Variants in DCLK2 observed in about 807,000 individuals in gnomAD.
DCLK2 encodes serine/threonine-protein kinase DCLK2.
Under a neutral mutation model 78.4 loss-of-function variants are expected in DCLK2, and 31 were observed. That is an observed-to-expected ratio of 0.40 (90% confidence interval 0.30 to 0.53). The LOEUF is 0.53. Among genes scored for constraint, DCLK2 ranks in the 20% least tolerant of loss-of-function variants. The pLI is 0.61. For missense variants in DCLK2, 872 were observed against 973.7 expected, an observed-to-expected ratio of 0.90 and a Z score of 1.39; for synonymous variants, 407 against 374.9, an observed-to-expected ratio of 1.09 and a Z score of -0.99.
chr4:150,137,128 G>A lies in DCLK2; in HGVS notation c.756+34316G>A, dbSNP rs535586970. Among the ~76,000 whole-genome samples the A allele has an allele frequency of 2.6e-5, 4 of 151,660 alleles. No individual in the cohort carries two copies. The East Asian group carries it at 7.8e-4, about 29-fold the overall frequency. ...TCCCAACTCATTGAGACTATGCGTG[G>A]GCCACCATGCCCAGTCTATTTATTA... On this transcript the variant is annotated intron_variant, in intron 2 of 15. Coordinates refer to ENST00000296550, the MANE Select transcript of DCLK2 (RefSeq NM_001040260.4).
At position 150,252,697 on chromosome 4, in the gene DCLK2, G is replaced by A. The variant is rs536838324; in HGVS notation, c.2073+3013G>A. ...AGACAAACCCCTGGGCTCTGACAGG[G>A]TGTTTGTGTGAACAAACAACCCGTT... On this transcript the variant is annotated intron_variant, in intron 15 of 15. Coordinates refer to ENST00000296550, the MANE Select transcript of DCLK2 (RefSeq NM_001040260.4). Among the ~76,000 whole-genome samples the A allele has an allele frequency of 2.0e-5, 3 of 152,360 alleles. No individual in the cohort carries two copies. In the East Asian group the frequency reaches 5.8e-4, roughly 29 times the overall value.
At chr4:150,165,651 T>C (rs138833732) in intron 2 of DCLK2, among the ~76,000 whole-genome samples, 1 of 152,296 alleles carries the variant, frequency 6.6e-6, no homozygotes. Flanking sequence ...AAACCTTAGA[T>C]TGTTAGGTTT....
chr4:150,098,929 A>G (rs1730674758), intron 1 of DCLK2, among the ~76,000 whole-genome samples: 1 of 152,082 alleles, frequency 6.6e-6, no homozygotes, highest in Non-Finnish European at 1.5e-5. Context: ...TCCTGACCTC[A>G]GGTGAGCCAC....
intron 5 of DCLK2, among the ~76,000 whole-genome samples, chr4:150,214,991 C>CTTGACACT (rs934839437): frequency 6.7e-6 from 1 of 150,310 alleles, no homozygotes; most frequent in African/African-American, 2.4e-5. Flanking sequence ...ATGTTTCTGA[C>CTTGACACT]TTGACACTTA....
intron 14 of DCLK2, among the ~76,000 whole-genome samples, chr4:150,248,997 C>A (rs765868767): frequency 1.3e-5 from 2 of 152,004 alleles, no homozygotes; most frequent in African/African-American, 2.4e-5. Context: ...TTTAATTAGC[C>A]CAGGGCTTTG....
At chr4:150,197,971 A>G (rs753238322) in intron 3 of DCLK2, 31 bp from the exon 4 acceptor site, 25 of 1,580,644 alleles carry the variant, frequency 1.6e-5, no homozygotes, top group South Asian at 2.3e-5. Context: ...TTAAAACCAG[A>G]TTTAGTTAAT....
chr4:150,152,733 C>T (rs1734986249), intron 2 of DCLK2, among the ~76,000 whole-genome samples: 1 of 152,150 alleles, frequency 6.6e-6, no homozygotes. Flanking sequence ...TAAGATACAA[C>T]CCAAAATATG....
intron 12 of DCLK2, among the ~76,000 whole-genome samples, chr4:150,244,571 T>TA (rs1361361081): frequency 1.3e-5 from 2 of 152,230 alleles, no homozygotes; most frequent in Admixed American, 1.3e-4. Flanking sequence ...TTTTTAGACT[T>TA]ACGGCACCTT....
rs1728985130 is a variant in DCLK2, at chr4:150,078,574, G to C, written c.-454G>C. The stretch of plus-strand genomic sequence containing the variant: ...CCCCCGGGGGCCTCTCCCACGCTCC[G>C]CGCCCCGCCCCACCCTTCCTTCCTT... On this transcript the variant is annotated 5_prime_UTR_variant, in exon 1 of 16. Coordinates refer to ENST00000296550, the MANE Select transcript of DCLK2 (RefSeq NM_001040260.4). The C allele has an allele frequency of 6.6e-6, 1 of 151,312 alleles. No homozygotes were observed. The highest frequency in any genetic ancestry group is 2.1e-4 in the South Asian group (1 of 4,828). The allele number at this position is 151,312 out of a possible 1,614,324, so 9.4% of individuals were successfully genotyped here. A position where few individuals can be genotyped will look rare whatever the true frequency, so the allele number is the denominator to read the frequency against.
intron 2 of DCLK2, among the ~76,000 whole-genome samples, chr4:150,167,642 C>T (rs929258952): frequency 6.6e-6 from 1 of 152,164 alleles, no homozygotes; most frequent in Non-Finnish European, 1.5e-5. Flanking sequence ...CTCTCCCCAA[C>T]CTCCACCAGG....
At chr4:150,093,884 C>A (rs956032277) in intron 1 of DCLK2, among the ~76,000 whole-genome samples, 2 of 152,056 alleles carry the variant, frequency 1.3e-5, no homozygotes, top group Non-Finnish European at 2.9e-5. Flanking sequence ...TGTAACAGAA[C>A]CAAGAGCTTA....
chr4:150,216,519 A>C (rs1198645944), intron 5 of DCLK2, among the ~76,000 whole-genome samples: 1 of 152,082 alleles, frequency 6.6e-6, no homozygotes, highest in African/African-American at 2.4e-5. Context: ...GGTGCTTGTA[A>C]TCTCAGCTAC....
intron 2 of DCLK2, among the ~76,000 whole-genome samples, chr4:150,131,013 C>G (rs2150197139): frequency 6.6e-6 from 1 of 152,210 alleles, no homozygotes; most frequent in African/African-American, 2.4e-5. Flanking sequence ...TATGCTGCTA[C>G]AATGATTTGA....
intron 4 of DCLK2, 44 bp downstream of exon 4, chr4:150,198,147 C>A: frequency 2.0e-6 from 3 of 1,509,864 alleles, no homozygotes; most frequent in South Asian, 2.4e-5. Flanking sequence ...AGGAACAGAT[C>A]ATTTTCCTTC....
chr4:150,171,674 C>G (rs761245553), intron 2 of DCLK2, among the ~76,000 whole-genome samples: 5 of 152,152 alleles, frequency 3.3e-5, no homozygotes, highest in Non-Finnish European at 7.4e-5. Context: ...CTTGAGGTAG[C>G]AGAACTTGAG....
At chr4:150,143,888 A>G (rs922593991) in intron 2 of DCLK2, among the ~76,000 whole-genome samples, 2 of 151,722 alleles carry the variant, frequency 1.3e-5, no homozygotes, top group Admixed American at 6.6e-5. Context: ...CTCAGTTTTT[A>G]ATAGGATTGT....
chr4:150,182,247 A>G (rs1737586095), intron 2 of DCLK2, among the ~76,000 whole-genome samples: 2 of 151,948 alleles, frequency 1.3e-5, no homozygotes, highest in South Asian at 4.2e-4. Context: ...AAGTATCACT[A>G]TGTTGCCCAG....
At chr4:150,248,589 C>T (rs1311799447) in intron 14 of DCLK2, among the ~76,000 whole-genome samples, 10 of 152,218 alleles carry the variant, frequency 6.6e-5, no homozygotes, top group East Asian at 1.9e-4. Flanking sequence ...CCCTGCCCCG[C>T]GAGTCACCTG....
intron 11 of DCLK2, 41 bp from the exon 12 acceptor site, chr4:150,240,358 A>G (rs769338441): frequency 6.3e-7 from 1 of 1,578,976 alleles, no homozygotes; most frequent in South Asian, 1.1e-5. Context: ...GGGTCTTGGG[A>G]GCCATCAGTT....
Sources: gnomAD v4.1 joint callset for allele counts (sites outside exome capture counted in the v4.1 genomes callset) on GRCh38, gnomAD v4.1.1 for gene constraint, MANE v1.5 for transcripts, NCBI Gene and HGNC (gene_info 2026-07-23, HGNC 2026-07-21) for gene names.